The following GPC5 variants were observed in gnomAD, a reference collection of about 807,000 sequenced individuals.
GPC5 encodes the protein glypican 5, also known as glypican-5.
Under a neutral mutation model 53.9 loss-of-function variants are expected in GPC5, and 47 were observed. The ratio of observed to expected loss-of-function variants is 0.87; its 90% CI spans 0.69 to 1.11. GPC5 has a LOEUF of 1.11. Among genes scored for constraint, GPC5 ranks in the 50% most tolerant of loss-of-function variants. The probability of loss-of-function intolerance (pLI) is 0.00; values close to 1 mark genes in which losing one functional copy is unlikely to be tolerated. For missense variants in GPC5, 748 were observed against 713.1 expected, an observed-to-expected ratio of 1.05 and a Z score of -0.56; for synonymous variants, 286 against 263.3, an observed-to-expected ratio of 1.09 and a Z score of -0.84.
chr13:92,312,427 CAT>C (rs1476147171), intron 7 of GPC5, among the ~76,000 whole-genome samples: 5 of 152,090 alleles, frequency 3.3e-5, no homozygotes, highest in Non-Finnish European at 7.4e-5. Flanking sequence ...AAGATAAACT[CAT>C]AACAGTGGTT....
At chr13:92,739,748 TGA>T (rs1454232809) in intron 7 of GPC5, among the ~76,000 whole-genome samples, 1 of 149,092 alleles carries the variant, frequency 6.7e-6, no homozygotes, top group Admixed American at 6.7e-5. Context: ...AGAGAGACAA[TGA>T]GAGAGAAAAA....
chr13:91,624,227 A>G (rs1434871712), intron 2 of GPC5, among the ~76,000 whole-genome samples: 1 of 152,138 alleles, frequency 6.6e-6, no homozygotes, highest in Non-Finnish European at 1.5e-5. Flanking sequence ...TCAAAAATCT[A>G]CCCCTATTGT....
intron 7 of GPC5, among the ~76,000 whole-genome samples, chr13:92,659,471 C>A (rs186159927): frequency 7.0e-6 from 1 of 143,492 alleles, no homozygotes; most frequent in Non-Finnish European, 1.5e-5. Flanking sequence ...CTTATTTATT[C>A]GTGACTCCCT....
intron 7 of GPC5, among the ~76,000 whole-genome samples, chr13:92,248,129 G>A (rs1474069960): frequency 6.6e-6 from 1 of 152,030 alleles, no homozygotes; most frequent in Non-Finnish European, 1.5e-5. Context: ...ATGGACATGA[G>A]GGAGATCTGT....
At chr13:92,621,842 G>T (rs928382116) in intron 7 of GPC5, among the ~76,000 whole-genome samples, 1 of 151,974 alleles carries the variant, frequency 6.6e-6, no homozygotes, top group African/African-American at 2.4e-5. Context: ...AAATATTTCT[G>T]CACTCTCCAG....
intron 7 of GPC5, among the ~76,000 whole-genome samples, chr13:92,374,847 G>A (rs1484720555): frequency 2.3e-5 from 2 of 86,596 alleles, no homozygotes; most frequent in East Asian, 3.2e-4. Context: ...AAAACTTAAA[G>A]TATAATAAAA....
intron 7 of GPC5, among the ~76,000 whole-genome samples, chr13:92,754,290 C>G (rs1005797783): frequency 1.9e-4 from 29 of 152,204 alleles, no homozygotes; most frequent in East Asian, 5.8e-4. Context: ...GAGAGATTTT[C>G]TCACCACCAG....
intron 3 of GPC5, among the ~76,000 whole-genome samples, chr13:91,727,416 A>G (rs1341878830): frequency 2.0e-5 from 3 of 152,150 alleles, no homozygotes; most frequent in Non-Finnish European, 4.4e-5. Flanking sequence ...TTGCATTTTG[A>G]TGATTGGAAG....
chr13:91,540,907 C>T (rs2029889568), intron 2 of GPC5, among the ~76,000 whole-genome samples: 1 of 151,914 alleles, frequency 6.6e-6, no homozygotes, highest in South Asian at 2.1e-4. Flanking sequence ...AAACAGTGGC[C>T]ACAACATTAT....
chr13:91,730,112 G>A (rs577941407), intron 4 of GPC5, among the ~76,000 whole-genome samples: 47 of 152,116 alleles, frequency 3.1e-4, no homozygotes, highest in Non-Finnish European at 6.2e-4. Context: ...CCTGCCACAC[G>A]GAGTGAACAA....
At chr13:92,016,641 G>C (rs891563495) in intron 6 of GPC5, among the ~76,000 whole-genome samples, 5 of 152,036 alleles carry the variant, frequency 3.3e-5, no homozygotes, top group Non-Finnish European at 7.4e-5. Context: ...CTCTTTGAAT[G>C]TGGTTTCATA....
chr13:91,872,622 G>T (rs140053995), intron 5 of GPC5, among the ~76,000 whole-genome samples: 25 of 152,126 alleles, frequency 1.6e-4, no homozygotes, highest in African/African-American at 6.0e-4. Flanking sequence ...CATATAGGAT[G>T]AATATATCAA....
At chr13:92,824,556 C>G (rs1000772698) in intron 7 of GPC5, among the ~76,000 whole-genome samples, 3 of 151,888 alleles carry the variant, frequency 2.0e-5, no homozygotes, top group African/African-American at 7.3e-5. Flanking sequence ...ATGCATTGCT[C>G]AATCATTTGT....
intron 7 of GPC5, among the ~76,000 whole-genome samples, chr13:92,391,665 T>C (rs1875009198): frequency 6.6e-6 from 1 of 152,196 alleles, no homozygotes. Flanking sequence ...TAATATATAT[T>C]CTAATTTTTA....
At chr13:92,108,095 A>G (rs900357174) in intron 6 of GPC5, among the ~76,000 whole-genome samples, 3 of 152,112 alleles carry the variant, frequency 2.0e-5, no homozygotes, top group Non-Finnish European at 2.9e-5. Context: ...ACTTTGTTCC[A>G]TTAGTCATCC....
chr13:92,625,353 A>G (rs1885013730), intron 7 of GPC5, among the ~76,000 whole-genome samples: 1 of 152,218 alleles, frequency 6.6e-6, no homozygotes, highest in Non-Finnish European at 1.5e-5. Flanking sequence ...TGGTCATTTA[A>G]AAAATGTTGC....
At chr13:92,592,507 C>T (rs1270364111) in intron 7 of GPC5, among the ~76,000 whole-genome samples, 1 of 151,054 alleles carries the variant, frequency 6.6e-6, no homozygotes, top group Non-Finnish European at 1.5e-5. Flanking sequence ...GTGGTAAGGA[C>T]CACAGAAAAA....
intron 5 of GPC5, among the ~76,000 whole-genome samples, chr13:91,868,642 C>G (rs1322609884): frequency 6.6e-6 from 1 of 152,020 alleles, no homozygotes; most frequent in African/African-American, 2.4e-5. Context: ...GAGATTGAAG[C>G]TGCAATGAAC....
At chr13:91,493,523 C>A (rs888573117) in intron 2 of GPC5, among the ~76,000 whole-genome samples, 1 of 152,126 alleles carries the variant, frequency 6.6e-6, no homozygotes, top group Non-Finnish European at 1.5e-5. Context: ...CCTCTGGTAA[C>A]CAACCTTCTA....
Sources: gnomAD v4.1 joint callset for allele counts (sites outside exome capture counted in the v4.1 genomes callset) on GRCh38, gnomAD v4.1.1 for gene constraint, MANE v1.5 for transcripts, NCBI Gene and HGNC (gene_info 2026-07-23, HGNC 2026-07-21) for gene names.